The following MAP3K1 variants were observed in gnomAD, a reference collection of about 807,000 sequenced individuals.
MAP3K1 encodes the protein mitogen-activated protein kinase kinase kinase 1.
In MAP3K1, 36 loss-of-function variants were observed where a neutral mutation model predicts 144.2. The observed-to-expected ratio is 0.25, with a 90% CI of 0.19 to 0.33. The LOEUF is 0.33. MAP3K1 is among the 10% of genes least tolerant of loss of function. The pLI is 1.00. For missense variants in MAP3K1, 1,650 were observed against 1,881.9 expected, an observed-to-expected ratio of 0.88 and a Z score of 2.28; for synonymous variants, 718 against 688.7, an observed-to-expected ratio of 1.04 and a Z score of -0.67.
intron 10 of MAP3K1, among the ~76,000 whole-genome samples, chr5:56,876,414 C>T (rs969593996): frequency 1.3e-5 from 2 of 152,078 alleles, no homozygotes. Flanking sequence ...TGTAGGCTTC[C>T]TCCCTCAGTC....
rs1579784726 is a variant in MAP3K1 at position 56,886,893 on chromosome 5, A to G, written c.4115-485A>G. 3.3e-5 allele frequency among the ~76,000 whole-genome samples: 5 copies of G among 151,944 alleles called. 1 individual carries two copies. In the South Asian group the frequency reaches 1.0e-3, roughly 32 times the overall value. On this transcript the variant is annotated intron_variant, in intron 17 of 19. Coordinates refer to ENST00000399503, the MANE Select transcript of MAP3K1 (RefSeq NM_005921.2). ...TCCCACCTCAGCCTCCCAAGTAGCT[A>G]GGACAACAGGTGTGCACCACCATGC...
In MAP3K1 at chr5:56,843,333, G is replaced by A. The variant is rs556576047; in HGVS notation, c.483-13267G>A. Among the ~76,000 whole-genome samples the A allele has an allele frequency of 5.3e-5, 8 of 152,192 alleles. No individual in the cohort carries two copies. In the East Asian group the frequency reaches 1.2e-3, roughly 22 times the overall value. ...TCAGCCACATTGGCCTCGCCCCCTC[G>A]GACCTGCTTCACCCACCAGTCCTGC... On this transcript the variant is annotated intron_variant, in intron 1 of 19. Coordinates refer to ENST00000399503, the MANE Select transcript of MAP3K1 (RefSeq NM_005921.2).
At chr5:56,883,375 C>A (rs1661880501) in intron 14 of MAP3K1, 152 bp from the exon 15 acceptor site, 1 of 712,276 alleles carries the variant, frequency 1.4e-6, no homozygotes, top group Non-Finnish European at 2.4e-6. Flanking sequence ...ATTACTTTTG[C>A]ATTTGCTGTC....
chr5:56,867,142 T>G (rs1747700148), intron 6 of MAP3K1, among the ~76,000 whole-genome samples: 2 of 152,150 alleles, frequency 1.3e-5, no homozygotes, highest in African/African-American at 4.8e-5. Flanking sequence ...CCTTTTTCCT[T>G]TTGAGTGACA....
intron 14 of MAP3K1, among the ~76,000 whole-genome samples, 193 bp downstream of exon 14, chr5:56,883,059 G>A (rs933170599): frequency 2.0e-5 from 3 of 152,126 alleles, no homozygotes; most frequent in Non-Finnish European, 4.4e-5. Context: ...GCATGATAGT[G>A]TACACCTGGG....
intron 1 of MAP3K1, among the ~76,000 whole-genome samples, chr5:56,834,651 G>A (rs1485472844): frequency 6.6e-6 from 1 of 152,204 alleles, no homozygotes; most frequent in East Asian, 1.9e-4. Context: ...GGATGTTGCA[G>A]TGAGCTGAGA....
chr5:56,816,468 C>T (rs1745973301), intron 1 of MAP3K1, among the ~76,000 whole-genome samples: 2 of 152,022 alleles, frequency 1.3e-5, no homozygotes, highest in South Asian at 2.1e-4. Flanking sequence ...GGGGGCGAGG[C>T]CCGAGCCTGA....
chr5:56,888,015 C>G (rs1332191657), intron 18 of MAP3K1: 1 of 589,136 alleles, frequency 1.7e-6, no homozygotes, highest in African/African-American at 1.9e-5. Context: ...TGATGGGACT[C>G]TGCTTCAGAA....
intron 1 of MAP3K1, among the ~76,000 whole-genome samples, chr5:56,846,421 T>C (rs1461142195): frequency 6.6e-6 from 1 of 152,224 alleles, no homozygotes; most frequent in African/African-American, 2.4e-5. Flanking sequence ...CACCTCCTGC[T>C]TTTTCTCCTC....
chr5:56,845,709 A>T lies in MAP3K1; in HGVS notation c.483-10891A>T, dbSNP rs116532438. Reference sequence around the variant, plus strand: ...TCAACAATTAGGGAAGAGGATACTCACAATGTTTCATTTTTCCCCAAAGGT... The same window carrying T: ...TCAACAATTAGGGAAGAGGATACTCTCAATGTTTCATTTTTCCCCAAAGGT... On this transcript the variant is annotated intron_variant, in intron 1 of 19. Coordinates refer to ENST00000399503, the MANE Select transcript of MAP3K1 (RefSeq NM_005921.2). 7.3e-3 allele frequency among the ~76,000 whole-genome samples: 1,106 copies of T among 152,334 alleles called. 22 individuals carry two copies. Among genetic ancestry groups the T allele is most frequent in the African/African-American group, 0.024 (1,007 of 41,574 alleles).
chr5:56,861,737 T>C (rs1018817713), intron 3 of MAP3K1, among the ~76,000 whole-genome samples: 90 of 152,182 alleles, frequency 5.9e-4, no homozygotes, highest in Admixed American at 3.2e-3. Flanking sequence ...TATATTAAGC[T>C]AAACATCAAA....
Position 56,895,217 on chromosome 5 carries a change from AGTTT to A in MAP3K1, c.*1542_*1545del, listed in dbSNP as rs1355826579. On this transcript the variant is annotated 3_prime_UTR_variant, in exon 20 of 20. Transcript: ENST00000399503. Reference sequence around the variant, plus strand: ...ATATTGCTTACAATTTTTAAAAGGCAGTTTGTTTTTTATGTGAATATGTTTCTTA... The same window carrying A: ...ATATTGCTTACAATTTTTAAAAGGCAGTTTTTTATGTGAATATGTTTCTTA... 8.6e-6 allele frequency: 2 copies of A among 232,060 alleles called. No individual in the cohort carries two copies. The highest frequency in any genetic ancestry group is 2.2e-5 in the African/African-American group (1 of 45,284). The allele number at this position is 232,060 out of a possible 1,614,324, so 14.4% of individuals were successfully genotyped here. A position where few individuals can be genotyped will look rare whatever the true frequency, so the allele number is the denominator to read the frequency against.
At chr5:56,839,680 TTC>T (rs1746753670) in intron 1 of MAP3K1, among the ~76,000 whole-genome samples, 2 of 152,184 alleles carry the variant, frequency 1.3e-5, no homozygotes, top group South Asian at 4.1e-4. Context: ...TGGGTGGATT[TTC>T]TCTCAGTACT....
chr5:56,822,428 C>T (rs1331312989), intron 1 of MAP3K1, among the ~76,000 whole-genome samples: 1 of 152,184 alleles, frequency 6.6e-6, no homozygotes, highest in African/African-American at 2.4e-5. Flanking sequence ...AGTGTAGTTA[C>T]AAAATAATTG....
chr5:56,864,538 C>G (rs1261284190), intron 3 of MAP3K1, among the ~76,000 whole-genome samples, 196 bp from the exon 4 acceptor site: 1 of 152,074 alleles, frequency 6.6e-6, no homozygotes. Flanking sequence ...TCACACCCAG[C>G]TGATTTTTTG....
intron 1 of MAP3K1, among the ~76,000 whole-genome samples, chr5:56,842,972 A>G (rs1449953787): frequency 6.6e-6 from 1 of 152,048 alleles, no homozygotes; most frequent in African/African-American, 2.4e-5. Context: ...TGTATGTGGT[A>G]TGGCTTCTTA....
In MAP3K1 at chr5:56,882,603, C is replaced by T; in HGVS notation, c.3403C>T (p.Leu1135Phe). ...NTELNSSIED[L>F]LEASMPSSDT... ...AGAGCTCAACTCCAGTATTGAGGAC[C>T]TTCTTGAAGCATCTATGCCTTCAAG... Residue 1135 changes from leucine (L) to phenylalanine (F), a missense_variant, in exon 14 of 20, where the codon CTT becomes TTT. By Grantham distance (22) the Leu-to-Phe change is conservative. Coordinates refer to ENST00000399503, the MANE Select transcript of MAP3K1 (RefSeq NM_005921.2). 6.2e-7 allele frequency: 1 copy of T among 1,614,098 alleles called. No homozygotes were observed. The highest frequency in any genetic ancestry group is 1.7e-5 in the Admixed American group (1 of 59,984).
intron 16 of MAP3K1, among the ~76,000 whole-genome samples, chr5:56,885,542 T>G (rs62358106): frequency 0.099 from 15,108 of 152,284 alleles, 1,221 homozygotes; most frequent in East Asian, 0.35. Flanking sequence ...AACTCTGGGT[T>G]TTCTGTTCCT....
chr5:56,890,896 AT>A (rs1227708624), intron 19 of MAP3K1, among the ~76,000 whole-genome samples: 1 of 151,544 alleles, frequency 6.6e-6, no homozygotes, highest in Admixed American at 6.6e-5. Flanking sequence ...AAAAAAAAAA[AT>A]TAGCTGGGCA....
Sources: allele counts gnomAD v4.1 joint callset (sites outside exome capture counted in the v4.1 genomes callset), GRCh38; gene constraint gnomAD v4.1.1; transcripts MANE v1.5; gene names NCBI Gene and HGNC (gene_info 2026-07-23, HGNC 2026-07-21).